Variants in LRP1B observed in about 807,000 individuals in gnomAD.
LRP1B encodes the protein LDL receptor related protein 1B.
Under a neutral mutation model 556.6 loss-of-function variants are expected in LRP1B, and 217 were observed. The observed-to-expected ratio is 0.39, with a 90% CI of 0.35 to 0.44. The LOEUF is 0.44. Ranked by LOEUF, LRP1B falls within the 20% of genes least tolerant of loss-of-function variation. The pLI, the probability that LRP1B is intolerant of heterozygous loss-of-function variation, is 1.00. For missense variants in LRP1B, 5,053 were observed against 5,620.8 expected (o/e 0.90, Z 3.23); for synonymous variants, 2,047 against 1,865.8 (o/e 1.10, Z -2.50).
chr2:141,584,903 A>G (rs1226133512), intron 2 of LRP1B, among the ~76,000 whole-genome samples: 1 of 152,084 alleles, frequency 6.6e-6, no homozygotes, highest in East Asian at 1.9e-4. Flanking sequence ...GGGGAGGGAG[A>G]GATGCGGAGT....
At chr2:141,811,500 A>G (rs1000313190) in intron 1 of LRP1B, among the ~76,000 whole-genome samples, 1 of 152,058 alleles carries the variant, frequency 6.6e-6, no homozygotes, top group Admixed American at 6.6e-5. Flanking sequence ...AATATGGTAC[A>G]TATTTCCTTA....
Position 142,082,612 on chromosome 2 carries a change from G to A in LRP1B, c.82+48036C>T, listed in dbSNP as rs2104933759. Among the ~76,000 whole-genome samples the A allele has an allele frequency of 1.3e-5, 2 of 152,270 alleles. 1 individual carries two copies. The highest frequency in any genetic ancestry group is 4.1e-4 in the South Asian group (2 of 4,826). ...TATCCTTGGAGTATAGTTGTTAAGA[G>A]CAGCTGCTGAGGAACACAGGAGCCT... On this transcript the variant is annotated intron_variant, in intron 1 of 90. Transcript: ENST00000389484.
At chr2:140,677,833 GC>G (rs1685724252) in intron 41 of LRP1B, among the ~76,000 whole-genome samples, 2 of 146,208 alleles carry the variant, frequency 1.4e-5, no homozygotes, top group South Asian at 4.3e-4. Flanking sequence ...CCGAGATCGT[GC>G]TATTGCACTC....
rs144010876 is a variant in LRP1B, at chr2:141,898,902, A to C, written c.83-88501T>G. On this transcript the variant is annotated intron_variant, in intron 1 of 90. Coordinates refer to ENST00000389484, the MANE Select transcript of LRP1B (RefSeq NM_018557.3). ...TGCAACCCTGTCATTCTAAAATGAA[A>C]ATAATTTATTGCCTTAGTGTAGTCG... 4.9e-4 allele frequency among the ~76,000 whole-genome samples: 74 copies of C among 152,250 alleles called. 1 individual carries two copies. Among genetic ancestry groups the C allele is most frequent in the African/African-American group, 1.7e-3 (72 of 41,558 alleles).
chr2:140,631,042 T>G (rs997133294), intron 41 of LRP1B, among the ~76,000 whole-genome samples: 4 of 152,154 alleles, frequency 2.6e-5, no homozygotes, highest in Non-Finnish European at 4.4e-5. Context: ...GCTGCAAGGC[T>G]CAGCCTCTCT....
At chr2:141,927,698 T>C (rs551187010) in intron 1 of LRP1B, among the ~76,000 whole-genome samples, 1 of 152,160 alleles carries the variant, frequency 6.6e-6, no homozygotes, top group South Asian at 2.1e-4. Context: ...CTAATACATA[T>C]GGCAGCCTGC....
chr2:141,743,501 C>CTTTTTTTTTTTTTTTT (rs796287062), intron 2 of LRP1B, among the ~76,000 whole-genome samples: 70 of 118,996 alleles, frequency 5.9e-4, no homozygotes, highest in Non-Finnish European at 8.0e-4. Flanking sequence ...TTTTTTTTTT[C>CTTTTTTTTTTTTTTTT]TTTTTTTTTT....
rs2104934626 is a variant in LRP1B at position 140,769,268 on chromosome 2, A to T, written c.5703T>A (p.Asp1901Glu). 4.3e-6 allele frequency: 7 copies of T among 1,612,410 alleles called. No individual in the cohort carries two copies. Among genetic ancestry groups the T allele is most frequent in the Non-Finnish European group, 5.1e-6 (6 of 1,178,772 alleles). The change falls in exon 35 of 91, where the codon GAT becomes GAA. Residue 1901 changes from aspartate (D) to glutamate (E), a missense_variant. By Grantham distance (45) the Asp-to-Glu change is conservative. This residue lies in a region of LRP1B where 3,619 missense variants were observed against 3,931.9 expected (regional missense o/e 0.92). Transcript: ENST00000389484. ...AAGTTCCTGATATAGGCATCAAAGCATCCATTTTGTCACTTGGTTCAAGAG... is the reference window on the plus strand; with the variant it reads ...AAGTTCCTGATATAGGCATCAAAGCTTCCATTTTGTCACTTGGTTCAAGAG... ...GIPLEPSDKM[D>E]ALMPISGTSF...
chr2:140,324,411 A>G (rs948111997), intron 80 of LRP1B, among the ~76,000 whole-genome samples: 2 of 152,118 alleles, frequency 1.3e-5, no homozygotes, highest in African/African-American at 4.8e-5. Flanking sequence ...GTATACAAAC[A>G]GGCAATTTAC....
intron 67 of LRP1B, among the ~76,000 whole-genome samples, chr2:140,384,210 A>G (rs1036661457): frequency 3.9e-5 from 6 of 152,182 alleles, no homozygotes; most frequent in Non-Finnish European, 8.8e-5. Context: ...TCCTTCCGTT[A>G]TAAGGCATTT....
At chr2:141,106,467 T>C (rs1176185767) in intron 7 of LRP1B, among the ~76,000 whole-genome samples, 1 of 152,000 alleles carries the variant, frequency 6.6e-6, no homozygotes, top group Admixed American at 6.6e-5. Context: ...TTCAGCAGAG[T>C]GAAGATCACC....
At chr2:141,543,366 T>A (rs192324744) in intron 2 of LRP1B, among the ~76,000 whole-genome samples, 38 of 147,732 alleles carry the variant, frequency 2.6e-4, no homozygotes, top group African/African-American at 9.2e-4. Flanking sequence ...AAAAAAAAAA[T>A]TATTCAGGCA....
intron 27 of LRP1B, among the ~76,000 whole-genome samples, chr2:140,856,403 C>T (rs1440330709): frequency 6.6e-6 from 1 of 152,162 alleles, no homozygotes; most frequent in Admixed American, 6.5e-5. Flanking sequence ...CAATTTATTG[C>T]TTGCTGTCCT....
chr2:142,111,145 T>C (rs1035025930), intron 1 of LRP1B, among the ~76,000 whole-genome samples: 1 of 152,118 alleles, frequency 6.6e-6, no homozygotes, highest in Non-Finnish European at 1.5e-5. Flanking sequence ...TCCAGAAAAG[T>C]ATGTATGTAA....
At position 140,335,630 on chromosome 2, in the gene LRP1B, A is replaced by G; in HGVS notation, c.12101T>C (p.Val4034Ala). The G allele has an allele frequency of 6.2e-7, 1 of 1,604,448 alleles. No homozygotes were observed. The highest frequency in any genetic ancestry group is 8.5e-7 in the Non-Finnish European group (1 of 1,171,616). The change falls in exon 78 of 91, where the codon GTA (valine) becomes GCA (alanine). Residue 4034 changes from valine (V) to alanine (A), a missense_variant. By Grantham distance (64) the Val-to-Ala change is moderately conservative. Transcript: ENST00000389484. Reference sequence around the variant, plus strand: ...ATTAACCTACCCTCTTTTAGGATTTACTGCAATAGCATAGGGTTCTCCAGC... The same window carrying G: ...ATTAACCTACCCTCTTTTAGGATTTGCTGCAATAGCATAGGGTTCTCCAGC... ...NMAGEPYAIA[V>A]NPKRGMMYWT... is the part of the protein sequence containing the mutation.
chr2:141,793,365 A>G (rs1222173087), intron 2 of LRP1B, among the ~76,000 whole-genome samples: 1 of 151,952 alleles, frequency 6.6e-6, no homozygotes, highest in African/African-American at 2.4e-5. Flanking sequence ...ACAGTCTACT[A>G]CTACTTAAAC....
intron 2 of LRP1B, among the ~76,000 whole-genome samples, chr2:141,671,196 A>T (rs1690653072): frequency 6.6e-6 from 1 of 152,204 alleles, no homozygotes; most frequent in Non-Finnish European, 1.5e-5. Context: ...CTTGAGAAGC[A>T]AAGATTTTAT....
At chr2:141,542,029 G>A (rs16846442) in intron 2 of LRP1B, among the ~76,000 whole-genome samples, 4,787 of 149,590 alleles carry the variant, frequency 0.032, 268 homozygotes, top group African/African-American at 0.11. Context: ...GATTATTCCT[G>A]CAATATTTCA....
At chr2:141,900,163 C>T (rs1485522669) in intron 1 of LRP1B, among the ~76,000 whole-genome samples, 1 of 152,052 alleles carries the variant, frequency 6.6e-6, no homozygotes, top group African/African-American at 2.4e-5. Context: ...AATAGTGCTT[C>T]AAATTCTTGT....
Sources: allele counts gnomAD v4.1 joint callset (sites outside exome capture counted in the v4.1 genomes callset), GRCh38; gene constraint gnomAD v4.1.1; regional missense constraint gnomAD v4.1.1; transcripts MANE v1.5; gene names NCBI Gene and HGNC (gene_info 2026-07-23, HGNC 2026-07-21).